The following LIPC variants were observed in gnomAD, a reference collection of about 807,000 sequenced individuals.
LIPC encodes the protein lipase C, hepatic type, also known as hepatic triacylglycerol lipase.
In LIPC, 44 loss-of-function variants were observed where a neutral mutation model predicts 50.7. The ratio of observed to expected loss-of-function variants is 0.87; its 90% CI spans 0.68 to 1.11. The LOEUF is 1.11. LIPC is among the 50% of genes most tolerant of loss of function. LIPC has a pLI of 0.00. For missense variants in LIPC, 697 were observed against 648.2 expected (o/e 1.08, Z -0.82); for synonymous variants, 271 against 256.4 (o/e 1.06, Z -0.54).
chr15:58,519,410 CAAAA>C (rs11432168), intron 1 of LIPC, among the ~76,000 whole-genome samples: 2 of 131,880 alleles, frequency 1.5e-5, no homozygotes, highest in Non-Finnish European at 3.1e-5. Flanking sequence ...GACTCTGTCT[CAAAA>C]AAAAAAAAAA....
At chr15:58,532,963 A>G (rs1414625493) in intron 1 of LIPC, among the ~76,000 whole-genome samples, 1 of 152,206 alleles carries the variant, frequency 6.6e-6, no homozygotes, top group African/African-American at 2.4e-5. Context: ...AATTTTAAGG[A>G]TTGTTTTGCT....
At position 58,440,875 on chromosome 15, in the gene LIPC, T is replaced by G. The variant is rs556952208; in HGVS notation, c.88+8755T>G. Among the ~76,000 whole-genome samples, 4 of 151,676 alleles carry G rather than the reference T, an allele frequency of 2.6e-5. No individual in the cohort carries two copies. The South Asian group carries it at 8.3e-4, about 32-fold the overall frequency. ...AGAGGCTGGAAAAGGGAGAGTGAAG[T>G]TGGGAATTCTTGAGATTTTGGGGTG... On this transcript the variant is annotated intron_variant, in intron 1 of 8. Coordinates refer to ENST00000299022, the MANE Select transcript of LIPC (RefSeq NM_000236.3).
chr15:58,562,800 A>T (rs1192693780), intron 7 of LIPC, among the ~76,000 whole-genome samples: 1 of 130,190 alleles, frequency 7.7e-6, no homozygotes, highest in East Asian at 2.6e-4. Context: ...CAAGCCACAC[A>T]AGGGACCCCC....
intron 1 of LIPC, among the ~76,000 whole-genome samples, chr15:58,504,256 A>G (rs1239879048): frequency 2.0e-5 from 3 of 152,208 alleles, no homozygotes; most frequent in Non-Finnish European, 4.4e-5. Flanking sequence ...GTAACCTCTC[A>G]GAGCAGAGGA....
intron 1 of LIPC, among the ~76,000 whole-genome samples, chr15:58,480,235 C>T (rs546889753): frequency 1.3e-5 from 2 of 152,332 alleles, no homozygotes; most frequent in Non-Finnish European, 2.9e-5. Context: ...AGTGATCTAT[C>T]TCCCTAAACT....
At chr15:58,481,021 G>C (rs1183763457) in intron 1 of LIPC, among the ~76,000 whole-genome samples, 2 of 152,168 alleles carry the variant, frequency 1.3e-5, no homozygotes, top group African/African-American at 2.4e-5. Flanking sequence ...GATTGACTGG[G>C]GGAAATGTCC....
intron 1 of LIPC, chr15:58,436,431 G>C (rs2140627795): frequency 4.1e-6 from 1 of 244,410 alleles, no homozygotes; most frequent in Middle Eastern, 1.6e-3. Flanking sequence ...GTAAAAATTT[G>C]GACTCATACG....
intron 6 of LIPC, 21 bp downstream of exon 6, chr15:58,548,593 C>G (rs940589138): frequency 1.3e-6 from 2 of 1,581,262 alleles, no homozygotes; most frequent in Non-Finnish European, 1.7e-6. Context: ...AGCTGGGGAG[C>G]CTTCAGAAGG....
chr15:58,565,682 G>T, intron 8 of LIPC: 7 of 1,008,788 alleles, frequency 6.9e-6, no homozygotes, highest in Non-Finnish European at 8.3e-6. Context: ...TTGGGGGTGT[G>T]CTGTTTCCAA....
chr15:58,446,901 C>T (rs1382214494), intron 1 of LIPC, among the ~76,000 whole-genome samples: 2 of 152,084 alleles, frequency 1.3e-5, no homozygotes, highest in Non-Finnish European at 2.9e-5. Flanking sequence ...AACCACAGCA[C>T]TTTGGGAGGC....
At chr15:58,466,650 A>G (rs565397333) in intron 1 of LIPC, among the ~76,000 whole-genome samples, 2 of 152,244 alleles carry the variant, frequency 1.3e-5, no homozygotes, top group South Asian at 2.1e-4. Context: ...ACCACTTTCT[A>G]TGTTGTTTGG....
intron 1 of LIPC, among the ~76,000 whole-genome samples, chr15:58,479,114 G>A (rs1306278660): frequency 2.0e-5 from 3 of 152,222 alleles, no homozygotes; most frequent in African/African-American, 7.2e-5. Context: ...TCAGCAAACA[G>A]TGTGATTTAT....
intron 1 of LIPC, among the ~76,000 whole-genome samples, chr15:58,484,788 T>C (rs544614247): frequency 3.3e-5 from 5 of 152,272 alleles, no homozygotes; most frequent in African/African-American, 1.2e-4. Flanking sequence ...CACTTACAAA[T>C]GGAGTATGCC....
Position 58,568,699 on chromosome 15 carries a change from T to C in LIPC, c.1389-17T>C. 1 of 1,430,088 alleles carries C rather than the reference T, an allele frequency of 7.0e-7. No homozygotes were observed. The highest frequency in any genetic ancestry group is 9.9e-7 in the Non-Finnish European group (1 of 1,014,856). 88.6% of individuals were successfully genotyped at this position (1,430,088 alleles called of 1,614,324 possible). A position where few individuals can be genotyped will look rare whatever the true frequency, so the allele number is the denominator to read the frequency against. On this transcript the variant is annotated splice_polypyrimidine_tract_variant and intron_variant, in intron 8 of 8. Transcript: ENST00000299022. ...CCTAAAACTTAATGCTGTGTTTGCT[T>C]CCTGTTTTCTATTCAGAATGACATT... is the stretch of plus-strand genomic sequence containing the variant.
At position 58,456,257 on chromosome 15, in the gene LIPC, A is replaced by T. The variant is rs1320610437; in HGVS notation, c.88+24137A>T. The T allele has an allele frequency of 2.6e-5, 4 of 152,224 alleles. No individual in the cohort carries two copies. In the East Asian group the frequency reaches 5.8e-4, roughly 22 times the overall value. 9.4% of individuals were successfully genotyped at this position (152,224 alleles called of 1,614,324 possible). ...ACATGCTATGAGATCAAGCCAAAAGAAAAGAAAAAGTAGAATGCAAAATTT... is the reference window on the plus strand; with the variant it reads ...ACATGCTATGAGATCAAGCCAAAAGTAAAGAAAAAGTAGAATGCAAAATTT... On this transcript the variant is annotated intron_variant, in intron 1 of 8. Transcript: ENST00000299022.
intron 1 of LIPC, among the ~76,000 whole-genome samples, chr15:58,481,561 T>C (rs770454934): frequency 4.6e-5 from 7 of 152,206 alleles, no homozygotes; most frequent in Admixed American, 4.6e-4. Flanking sequence ...TCCCAGCACT[T>C]TGAGACTGAG....
At chr15:58,520,160 A>G (rs1001800174) in intron 1 of LIPC, among the ~76,000 whole-genome samples, 2 of 137,996 alleles carry the variant, frequency 1.4e-5, no homozygotes, top group Admixed American at 7.9e-5. Context: ...TGATTGGTCT[A>G]GATTTGTGGT....
chr15:58,489,235 T>A (rs1891493932), intron 1 of LIPC, among the ~76,000 whole-genome samples: 1 of 100,608 alleles, frequency 9.9e-6, no homozygotes, highest in South Asian at 3.3e-4. Context: ...GGGGGGCGGC[T>A]TACAAGCTTC....
At chr15:58,542,066 G>A (rs1893350402) in intron 3 of LIPC, 99 bp downstream of exon 3, 1 of 1,321,680 alleles carries the variant, frequency 7.6e-7, no homozygotes, top group African/African-American at 1.6e-5. Flanking sequence ...GCCCAGGCAG[G>A]AGAAGCACTA....
Sources: gnomAD v4.1 joint callset for allele counts (sites outside exome capture counted in the v4.1 genomes callset) on GRCh38, gnomAD v4.1.1 for gene constraint, MANE v1.5 for transcripts, NCBI Gene and HGNC (gene_info 2026-07-23, HGNC 2026-07-21) for gene names.